PRRC2B: variants seen among roughly 807,000 people sequenced by gnomAD.
The protein encoded by PRRC2B is proline rich coiled-coil 2B.
In PRRC2B, 68 loss-of-function variants were observed where a neutral mutation model predicts 242.3. The observed-to-expected ratio is 0.28, with a 90% CI of 0.23 to 0.34. The LOEUF is 0.34. Among genes scored for constraint, PRRC2B ranks in the 10% least tolerant of loss-of-function variants. The pLI, the probability that PRRC2B is intolerant of heterozygous loss-of-function variation, is 1.00. For synonymous variants in PRRC2B, 1,228 were observed against 1,173.6 expected (o/e 1.05, Z -0.95); for missense variants, 2,835 against 2,954.8 (o/e 0.96, Z 0.94).
rs1055914438 is a variant in PRRC2B at position 131,415,932 on chromosome 9, G to C, written c.-51-14162G>C. On this transcript the variant is annotated intron_variant, in intron 1 of 31. Coordinates refer to ENST00000683519, the MANE Select transcript of PRRC2B (RefSeq NM_013318.4). ...GAACTATTTTTGGCATTTTTTACTT[G>C]ATAATTTCTTCCTCTCCTTCCCCCC... is the stretch of plus-strand genomic sequence containing the variant. Among the ~76,000 whole-genome samples, 16 of 151,882 alleles carry C rather than the reference G, an allele frequency of 1.1e-4. 1 individual carries two copies. The highest frequency in any genetic ancestry group is 3.9e-4 in the African/African-American group (16 of 41,282).
Position 131,430,079 on chromosome 9 carries a change from C to CTTT in PRRC2B, c.-51-14_-51-13insTTT. 2 of 455,514 alleles carry CTTT rather than the reference C, an allele frequency of 4.4e-6. No homozygotes were observed. Among genetic ancestry groups the CTTT allele is most frequent in the South Asian group, 4.3e-5 (1 of 23,008 alleles). 28.2% of individuals were successfully genotyped at this position (455,514 alleles called of 1,614,324 possible). On this transcript the variant is annotated splice_polypyrimidine_tract_variant and intron_variant, in intron 1 of 31. Coordinates refer to ENST00000683519, the MANE Select transcript of PRRC2B (RefSeq NM_013318.4). The stretch of plus-strand genomic sequence containing the variant: ...CTCTCTCTTTTTTTTTTTTTCTTCT[C>CTTT]TATTTCAAAGGCAGATCGGGAGCGG...
Position 131,401,861 on chromosome 9 carries a change from A to C in PRRC2B, c.-52+7598A>C, listed in dbSNP as rs546725532. ...TTTTTAGTGGAGACGGGGTTTCACC[A>C]TGTTGGCCAGGCTGGTCTCGAACCC... On this transcript the variant is annotated intron_variant, in intron 1 of 31. Coordinates refer to ENST00000683519, the MANE Select transcript of PRRC2B (RefSeq NM_013318.4). Among the ~76,000 whole-genome samples, 27 of 151,532 alleles carry C rather than the reference A, an allele frequency of 1.8e-4. No individual in the cohort carries two copies. In the South Asian group the frequency reaches 4.2e-3, roughly 23 times the overall value.
Position 131,493,864 on chromosome 9 carries a change from G to A in PRRC2B, c.6474-541G>A, listed in dbSNP as rs548324490. 1.3e-3 allele frequency among the ~76,000 whole-genome samples: 191 copies of A among 151,804 alleles called. 1 individual carries two copies. The highest frequency in any genetic ancestry group is 4.4e-3 in the African/African-American group (180 of 41,150). ...CACACGGCACTTAGGCTTTTTGACC[G>A]CAGACTTTTTTTTTTTCCACGTAGC... On this transcript the variant is annotated intron_variant, in intron 30 of 31. Coordinates refer to ENST00000683519, the MANE Select transcript of PRRC2B (RefSeq NM_013318.4).
chr9:131,389,472 C>G (rs1393561934), upstream of PRRC2B, among the ~76,000 whole-genome samples: 1 of 150,548 alleles, frequency 6.6e-6, no homozygotes, highest in African/African-American at 2.4e-5. Context: ...AGTCACTGAA[C>G]TTTCTGATGC....
Position 131,474,594 on chromosome 9 carries a change from C to T in PRRC2B, c.2465C>T (p.Ser822Phe). The change falls in exon 16 of 32, where the codon TCT becomes TTT. Residue 822 changes from serine (S) to phenylalanine (F), a missense_variant. This residue lies in a region of PRRC2B where 1,536 missense variants were observed against 1,483.1 expected (regional missense o/e 1.04). Coordinates refer to ENST00000683519, the MANE Select transcript of PRRC2B (RefSeq NM_013318.4). ...AQADFDSCIS[S>F]QRIGQELLFP... The stretch of plus-strand genomic sequence containing the variant: ...GCAGACTTTGACAGCTGTATCTCTT[C>T]TCAAAGAATAGGCCAGGAGCTTTTG... 1 of 1,614,028 alleles carries T rather than the reference C, an allele frequency of 6.2e-7. No homozygotes were observed. The highest frequency in any genetic ancestry group is 8.5e-7 in the Non-Finnish European group (1 of 1,179,896).
chr9:131,432,498 T>A, intron 2 of PRRC2B, 119 bp from the exon 3 acceptor site: 1 of 982,384 alleles, frequency 1.0e-6, no homozygotes, highest in Non-Finnish European at 1.5e-6. Flanking sequence ...CCCTTTGTTT[T>A]TTGTTGGGTT....
intron 19 of PRRC2B, among the ~76,000 whole-genome samples, chr9:131,479,971 T>C (rs1394018757): frequency 1.3e-5 from 2 of 152,238 alleles, no homozygotes; most frequent in Admixed American, 1.3e-4. Context: ...TTTTTCCTTA[T>C]AAAATAGAAA....
At chr9:131,410,500 C>G (rs1036662478) in intron 1 of PRRC2B, among the ~76,000 whole-genome samples, 1 of 152,214 alleles carries the variant, frequency 6.6e-6, no homozygotes, top group African/African-American at 2.4e-5. Context: ...CAGCAGGCGT[C>G]GTTCTTCCAG....
At chr9:131,459,395 C>T (rs760178766) in intron 11 of PRRC2B, 39 bp downstream of exon 11, 1 of 1,544,208 alleles carries the variant, frequency 6.5e-7, no homozygotes, top group Non-Finnish European at 8.8e-7. Context: ...ATTTGTACTT[C>T]ATTGAGTTGG....
intron 1 of PRRC2B, among the ~76,000 whole-genome samples, chr9:131,422,714 TG>T (rs944413786): frequency 2.6e-5 from 4 of 152,242 alleles, no homozygotes; most frequent in African/African-American, 9.6e-5. Context: ...AGGCGGGCAC[TG>T]TCTGGAGAGG....
rs1467745356 is a variant in PRRC2B, at chr9:131,479,347, G to A, written c.4854G>A (p.Val1618=). 1.2e-6 allele frequency: 2 copies of A among 1,613,950 alleles called. No homozygotes were observed. The highest frequency in any genetic ancestry group is 1.7e-6 in the Non-Finnish European group (2 of 1,179,844). Reference sequence around the variant, plus strand: ...GTCTGGAGCAAGGTGACGTGACCGTGCCTGGCAGCAGCCTGGGCACTGAGA... The same window carrying A: ...GTCTGGAGCAAGGTGACGTGACCGTACCTGGCAGCAGCCTGGGCACTGAGA... ...NLCLEQGDVT[V]PGSSLGTEIW... The change falls in exon 19 of 32, where the codon GTG becomes GTA. Residue 1618 remains valine (V), a synonymous_variant. Transcript: ENST00000683519.
chr9:131,481,485 A>G (rs1047516628), intron 19 of PRRC2B, among the ~76,000 whole-genome samples: 7 of 152,068 alleles, frequency 4.6e-5, no homozygotes, highest in African/African-American at 1.4e-4. Flanking sequence ...CCTGTAATCC[A>G]TGAGATGTTG....
chr9:131,401,770 C>T (rs1419174178), intron 1 of PRRC2B, among the ~76,000 whole-genome samples: 1 of 151,408 alleles, frequency 6.6e-6, no homozygotes, highest in Non-Finnish European at 1.5e-5. Context: ...AAGAGATTCT[C>T]CTGCCTCAGC....
At chr9:131,380,682 G>T (rs557641468) in intron 1 of PRRC2B, among the ~76,000 whole-genome samples, 30 of 151,736 alleles carry the variant, frequency 2.0e-4, no homozygotes, top group Admixed American at 4.6e-4. Context: ...TTTGAGACAA[G>T]CCTGGCCAAC....
intron 26 of PRRC2B, 168 bp downstream of exon 26, chr9:131,486,350 C>T (rs888187070): frequency 2.4e-5 from 11 of 457,492 alleles, no homozygotes; most frequent in African/African-American, 1.5e-4. Flanking sequence ...ATTTGTTAAG[C>T]GAATAATCGA....
At chr9:131,421,476 G>A (rs990542661) in intron 1 of PRRC2B, among the ~76,000 whole-genome samples, 1 of 152,170 alleles carries the variant, frequency 6.6e-6, no homozygotes, top group Admixed American at 6.5e-5. Context: ...TTCCTGAAGC[G>A]TTTATCCAGC....
At chr9:131,442,483 G>T (rs1342353464) in intron 5 of PRRC2B, among the ~76,000 whole-genome samples, 4 of 152,116 alleles carry the variant, frequency 2.6e-5, no homozygotes, top group Non-Finnish European at 4.4e-5. Flanking sequence ...TCCATCTCTG[G>T]CTGGTCATTG....
rs764657255 is a variant in PRRC2B at position 131,475,372 on chromosome 9, T to C, written c.3243T>C (p.Ala1081=). The C allele has an allele frequency of 5.0e-6, 8 of 1,586,388 alleles. 1 individual carries two copies. The highest frequency in any genetic ancestry group is 6.9e-6 in the Non-Finnish European group (8 of 1,167,034). The change falls in exon 16 of 32, where the codon GCT becomes GCC. Residue 1081 remains alanine, a synonymous_variant. Transcript: ENST00000683519. ...AGTTCACTTTTCGTGGTCGGCCTGC[T>C]GGCGGAAATGGGAGCGGCCTCTGTG... The part of the protein sequence containing the change: ...FREFTFRGRP[A]GGNGSGLCGG...
intron 3 of PRRC2B, 31 bp downstream of exon 3, chr9:131,432,825 GCTGGCGCTCCAAGGGTGGTCC>G (rs1304106232): frequency 1.2e-6 from 2 of 1,609,952 alleles, no homozygotes; most frequent in African/African-American, 2.7e-5. Context: ...GTGAGTGGGA[GCTGGCGCTCCAAGGGTGGTCC>G]CGGCATCCTT....
Sources: allele counts gnomAD v4.1 joint callset (sites outside exome capture counted in the v4.1 genomes callset), GRCh38; gene constraint gnomAD v4.1.1; regional missense constraint gnomAD v4.1.1; transcripts MANE v1.5; gene names NCBI Gene and HGNC (gene_info 2026-07-23, HGNC 2026-07-21).